Variants in MTF2 observed in about 807,000 individuals in gnomAD.
The protein encoded by MTF2 is metal response element binding transcription factor 2, also known as metal-response element-binding transcription factor 2.
A neutral mutation model predicts 79.5 loss-of-function variants in MTF2; 11 were observed. The observed-to-expected ratio is 0.14, with a 90% CI of 0.09 to 0.23. The LOEUF (loss-of-function observed/expected upper bound fraction) is 0.23. MTF2 is among the 10% of genes least tolerant of loss of function. The probability of loss-of-function intolerance (pLI) is 1.00; values close to 1 mark genes in which losing one functional copy is unlikely to be tolerated. For synonymous variants in MTF2, 208 were observed against 232.8 expected, an observed-to-expected ratio of 0.89 and a Z score of 0.97; for missense variants, 486 against 711.2, an observed-to-expected ratio of 0.68 and a Z score of 3.60.
In MTF2 at chr1:93,116,595, G is replaced by A. The variant is rs1488385284; in HGVS notation, c.632+977G>A. Among the ~76,000 whole-genome samples, 4 of 149,942 alleles carry A rather than the reference G, an allele frequency of 2.7e-5. No individual in the cohort carries two copies. The East Asian group carries it at 5.8e-4, about 22-fold the overall frequency. Reference sequence around the variant, plus strand: ...TATAGCTCACTCCAGCATTGAACTGGGCTCAAGCAATCCTCCCATCTCAGC... The same window carrying A: ...TATAGCTCACTCCAGCATTGAACTGAGCTCAAGCAATCCTCCCATCTCAGC... On this transcript the variant is annotated intron_variant, in intron 6 of 14. Transcript: ENST00000370298.
intron 14 of MTF2, among the ~76,000 whole-genome samples, chr1:93,136,166 T>G (rs534624195): frequency 2.6e-5 from 4 of 152,312 alleles, no homozygotes; most frequent in East Asian, 1.9e-4. Flanking sequence ...ATACTCTGAC[T>G]GCTAGTTTGT....
Position 93,127,261 on chromosome 1 carries a change from T to C in MTF2, c.951T>C (p.Tyr317=), listed in dbSNP as rs749370865. Residue 317 remains tyrosine, a synonymous_variant, in exon 10 of 15, where the codon TAT becomes TAC. Transcript: ENST00000370298. ...CAGACACACCAAAATCTGAAAGATA[T>C]GAGCATGTTCTGGAGGCATTAAATG... ...ELADTPKSER[Y]EHVLEALNDY... The C allele has an allele frequency of 2.5e-5, 40 of 1,612,842 alleles. No individual in the cohort carries two copies. The highest frequency in any genetic ancestry group is 3.1e-5 in the Non-Finnish European group (36 of 1,179,090).
rs749036082 is a variant in MTF2, at chr1:93,136,663, T to C, written c.1425-7T>C. On this transcript the variant is annotated splice_polypyrimidine_tract_variant and splice_region_variant and intron_variant, in intron 14 of 14. Transcript: ENST00000370298. ...AGTAGACAATTCTGGCCTTCTCTGT[T>C]ACATAGATTATCTGACTCCAGAAAA... 4 of 1,609,622 alleles carry C rather than the reference T, an allele frequency of 2.5e-6. No homozygotes were observed. Among genetic ancestry groups the C allele is most frequent in the Non-Finnish European group, 3.4e-6 (4 of 1,177,948 alleles).
At chr1:93,120,439 C>A in intron 8 of MTF2, 110 bp from the exon 9 acceptor site, 1 of 949,248 alleles carries the variant, frequency 1.1e-6, no homozygotes, top group Non-Finnish European at 1.5e-6. Flanking sequence ...TATGACTATC[C>A]ACCTAAATAT....
intron 9 of MTF2, among the ~76,000 whole-genome samples, 183 bp from the exon 10 acceptor site, chr1:93,127,049 G>A (rs1196086223): frequency 2.0e-5 from 3 of 152,104 alleles, no homozygotes; most frequent in Non-Finnish European, 4.4e-5. Context: ...GAGAAAATAA[G>A]CCTTGAGAGG....
At chr1:93,131,170 G>A (rs562712658) in intron 11 of MTF2, among the ~76,000 whole-genome samples, 2 of 152,228 alleles carry the variant, frequency 1.3e-5, no homozygotes, top group South Asian at 4.1e-4. Flanking sequence ...TATAAATTTG[G>A]AAGAGGTGAA....
chr1:93,110,681 A>C, intron 3 of MTF2, 55 bp downstream of exon 3: 3 of 1,351,546 alleles, frequency 2.2e-6, no homozygotes, highest in Non-Finnish European at 3.2e-6. Context: ...GATTTTCTTC[A>C]ACTTGTCATA....
chr1:93,091,024 A>G (rs1182293654), intron 1 of MTF2, among the ~76,000 whole-genome samples: 1 of 150,704 alleles, frequency 6.6e-6, no homozygotes, highest in Admixed American at 6.6e-5. Context: ...ATGAATGTTC[A>G]AACATTTTTT....
At position 93,110,555 on chromosome 1, in the gene MTF2, T is replaced by C. The variant is rs772072326; in HGVS notation, c.215T>C (p.Leu72Ser). 2 of 1,613,344 alleles carry C rather than the reference T, an allele frequency of 1.2e-6. No homozygotes were observed. The highest frequency in any genetic ancestry group is 1.7e-6 in the Non-Finnish European group (2 of 1,179,438). The change falls in exon 3 of 15, where the codon TTG becomes TCG. Residue 72 changes from leucine to serine, a missense_variant. Coordinates refer to ENST00000370298, the MANE Select transcript of MTF2 (RefSeq NM_007358.4). ...TTCTCTGTATTGCAGATAAACATATTGAAACAGAGCTGCTTCATCATATTT... is the reference window on the plus strand; with the variant it reads ...TTCTCTGTATTGCAGATAAACATATCGAAACAGAGCTGCTTCATCATATTT... ...YLGTIKKINILKQSCFIIFED... is the reference protein window; with the variant it reads ...YLGTIKKINISKQSCFIIFED...
Position 93,136,610 on chromosome 1 carries a change from G to A in MTF2, c.1425-60G>A, listed in dbSNP as rs1647408510. The A allele has an allele frequency of 8.3e-6, 11 of 1,326,116 alleles. No homozygotes were observed. In the South Asian group the frequency reaches 1.4e-4, roughly 16 times the overall value. The allele number at this position is 1,326,116 out of a possible 1,614,324, so 82.1% of individuals were successfully genotyped here. The stretch of plus-strand genomic sequence containing the variant: ...AGTAATCCAGAAAAGAGAACATATT[G>A]TATGGGCATAGGATGCTAAAAAAGC... On this transcript the variant is annotated intron_variant, in intron 14 of 14. Coordinates refer to ENST00000370298, the MANE Select transcript of MTF2 (RefSeq NM_007358.4).
intron 11 of MTF2, among the ~76,000 whole-genome samples, chr1:93,130,955 A>G (rs1656892691): frequency 6.6e-6 from 1 of 151,998 alleles, no homozygotes; most frequent in Admixed American, 6.6e-5. Flanking sequence ...AAACACACAC[A>G]CACACACACA....
chr1:93,124,867 C>T (rs935545664), intron 9 of MTF2, among the ~76,000 whole-genome samples: 4 of 151,870 alleles, frequency 2.6e-5, no homozygotes, highest in Admixed American at 6.6e-5. Context: ...TATAATAAAC[C>T]TCATGGTCAG....
At chr1:93,110,079 T>G in intron 1 of MTF2, 151 bp from the exon 2 acceptor site, 1 of 728,072 alleles carries the variant, frequency 1.4e-6, no homozygotes, top group Non-Finnish European at 2.2e-6. Flanking sequence ...CTGCTTTGTT[T>G]GGAGAGTATT....
At chr1:93,093,845 C>CT (rs1165630488) in intron 1 of MTF2, among the ~76,000 whole-genome samples, 2 of 152,210 alleles carry the variant, frequency 1.3e-5, no homozygotes, top group East Asian at 3.9e-4. Flanking sequence ...GTAGCTGGGA[C>CT]TACAGGAGTG....
intron 1 of MTF2, among the ~76,000 whole-genome samples, chr1:93,082,861 C>T (rs776055729): frequency 3.9e-5 from 6 of 151,984 alleles, no homozygotes; most frequent in Non-Finnish European, 7.4e-5. Flanking sequence ...ACAGTCAGTC[C>T]CCTTCACCTA....
Position 93,110,224 on chromosome 1 carries a change from A to G in MTF2, c.6-6A>G, listed in dbSNP as rs769799253. On this transcript the variant is annotated splice_polypyrimidine_tract_variant and splice_region_variant and intron_variant, in intron 1 of 14. Coordinates refer to ENST00000370298, the MANE Select transcript of MTF2 (RefSeq NM_007358.4). ...TCTTATGTATGGTCTTTTATTCTCTAAACAGAGACTCTACAGGGGCAGGTA... is the reference window on the plus strand; with the variant it reads ...TCTTATGTATGGTCTTTTATTCTCTGAACAGAGACTCTACAGGGGCAGGTA... 6.2e-7 allele frequency: 1 copy of G among 1,613,334 alleles called. No individual in the cohort carries two copies. The highest frequency in any genetic ancestry group is 1.1e-5 in the South Asian group (1 of 91,070).
At chr1:93,079,602 A>G (rs1654510873) in intron 1 of MTF2, 71 bp downstream of exon 1, 2 of 1,579,130 alleles carry the variant, frequency 1.3e-6, no homozygotes, top group East Asian at 2.2e-5. Context: ...GAAGAAAGGA[A>G]GCAAGTATAA....
Position 93,115,085 on chromosome 1 carries a change from A to G in MTF2, c.480A>G (p.Thr160=), listed in dbSNP as rs1245084928. 1 of 1,594,082 alleles carries G rather than the reference A, an allele frequency of 6.3e-7. No individual in the cohort carries two copies. Among genetic ancestry groups the G allele is most frequent in the Non-Finnish European group, 8.6e-7 (1 of 1,162,776 alleles). Residue 160 remains threonine, a synonymous_variant, in exon 5 of 15, where the codon ACA becomes ACG. Transcript: ENST00000370298. ...LCRQCVFATT[T]KRGGALKKGP... ...GGCAGTGTGTTTTTGCAACAACAAC[A>G]AAGGTATATTTTAAGTGTTTTGGGC... is the stretch of plus-strand genomic sequence containing the variant.
In MTF2 at chr1:93,101,366, CTT is replaced by C. The variant is rs71586777; in HGVS notation, c.6-8839_6-8838del. On this transcript the variant is annotated intron_variant, in intron 1 of 14. Transcript: ENST00000370298. The stretch of plus-strand genomic sequence containing the variant: ...ATGTAACAAAATTTACTATCTTAAC[CTT>C]TTTTTTTTTTTTTTTTTTTTTTTTA... 1.3e-3 allele frequency among the ~76,000 whole-genome samples: 143 copies of C among 108,610 alleles called. 1 individual carries two copies. In the Middle Eastern group the frequency reaches 0.016, roughly 12 times the overall value. The allele number at this position is 108,610 out of a possible 152,430, so 71.3% of individuals were successfully genotyped here.
Sources: gnomAD v4.1 joint callset for allele counts (sites outside exome capture counted in the v4.1 genomes callset) on GRCh38, gnomAD v4.1.1 for gene constraint, MANE v1.5 for transcripts, NCBI Gene and HGNC (gene_info 2026-07-23, HGNC 2026-07-21) for gene names.